SEMA6A: variants seen among roughly 807,000 people sequenced by gnomAD.
SEMA6A encodes the protein semaphorin 6A.
A neutral mutation model predicts 96.8 loss-of-function variants in SEMA6A; 25 were observed. The observed-to-expected ratio is 0.26, with a 90% CI of 0.19 to 0.36. The LOEUF (loss-of-function observed/expected upper bound fraction) is 0.36, where lower values mean the gene tolerates loss of function less well. SEMA6A is among the 10% of genes least tolerant of loss of function. The pLI is 1.00. For missense variants in SEMA6A, 1,363 were observed against 1,323.1 expected, an observed-to-expected ratio of 1.03 and a Z score of -0.47; for synonymous variants, 612 against 518.0, an observed-to-expected ratio of 1.18 and a Z score of -2.46.
At chr5:116,490,489 G>A (rs1757279310) in intron 7 of SEMA6A, among the ~76,000 whole-genome samples, 1 of 152,176 alleles carries the variant, frequency 6.6e-6, no homozygotes, top group South Asian at 2.1e-4. Context: ...AGGACCTCCA[G>A]CAGTAGTCAT....
chr5:116,522,108 G>A (rs575606078), intron 1 of SEMA6A, among the ~76,000 whole-genome samples: 13 of 152,146 alleles, frequency 8.5e-5, no homozygotes, highest in African/African-American at 1.9e-4. Context: ...TTAAAGTGTC[G>A]TGAATATTGC....
At position 116,531,199 on chromosome 5, in the gene SEMA6A, C is replaced by T. The variant is rs1352967433; in HGVS notation, c.-38-26217G>A. 9.3e-5 allele frequency among the ~76,000 whole-genome samples: 11 copies of T among 118,276 alleles called. 1 individual carries two copies. Among genetic ancestry groups the T allele is most frequent in the Admixed American group, 7.4e-4 (8 of 10,852 alleles). The allele number at this position is 118,276 out of a possible 152,430, so 77.6% of individuals were successfully genotyped here. On this transcript the variant is annotated intron_variant, in intron 1 of 18. Transcript: ENST00000343348. ...GAGTTGAGTGTGGGGTTGGGGGAGGCGGTGGGGATTGGGGGGATCCAGAGT... is the reference window on the plus strand; with the variant it reads ...GAGTTGAGTGTGGGGTTGGGGGAGGTGGTGGGGATTGGGGGGATCCAGAGT...
At chr5:116,519,428 C>T (rs972076280) in intron 1 of SEMA6A, among the ~76,000 whole-genome samples, 1 of 152,142 alleles carries the variant, frequency 6.6e-6, no homozygotes, top group East Asian at 1.9e-4. Context: ...AAGGATGTTC[C>T]TTTGACTGTT....
At chr5:116,573,788 G>T (rs1761343054) in intron 1 of SEMA6A, among the ~76,000 whole-genome samples, 1 of 152,044 alleles carries the variant, frequency 6.6e-6, no homozygotes, top group African/African-American at 2.4e-5. Flanking sequence ...GACACACCGG[G>T]CCAGGGAGCT....
chr5:116,488,845 T>C (rs1481239572), intron 8 of SEMA6A, 43 bp downstream of exon 8: 11 of 1,523,892 alleles, frequency 7.2e-6, no homozygotes, highest in Non-Finnish European at 9.7e-6. Context: ...AAGATGTGTA[T>C]TCCCCTCCCC....
rs372034930 is a variant in SEMA6A at position 116,482,535 on chromosome 5, T to C, written c.1003A>G (p.Ile335Val). The change falls in exon 11 of 19, where the codon ATT becomes GTT. Residue 335 changes from isoleucine to valine, a missense_variant. Ile to Val is a conservative substitution (Grantham distance 29). This residue lies in a region of SEMA6A where 480 missense variants were observed against 559.5 expected (regional missense o/e 0.86). Coordinates refer to ENST00000343348, the MANE Select transcript of SEMA6A (RefSeq NM_020796.5). ...AATCTCCCAGTAAAAACACTGGCAA[T>C]GTCAAGCATGTCATAGGCACAGACT... The part of the protein sequence containing the change: ...SAVCAYDMLD[I>V]ASVFTGRFKE... 1.5e-4 allele frequency: 239 copies of C among 1,613,524 alleles called. No individual in the cohort carries two copies. Among genetic ancestry groups the C allele is most frequent in the Non-Finnish European group, 2.0e-4 (231 of 1,179,694 alleles).
At chr5:116,494,485 G>A (rs154604) in intron 6 of SEMA6A, among the ~76,000 whole-genome samples, 122,533 of 152,066 alleles carry the variant, frequency 0.81, 49,409 homozygotes, top group Non-Finnish European at 0.82. Flanking sequence ...TCCCGATGTG[G>A]GAACAACAGG....
intron 12 of SEMA6A, among the ~76,000 whole-genome samples, chr5:116,479,532 T>C (rs752913126): frequency 1.3e-5 from 2 of 152,222 alleles, no homozygotes; most frequent in Non-Finnish European, 2.9e-5. Context: ...GCTACCACAG[T>C]GGGATGGTAC....
At position 116,447,082 on chromosome 5, in the gene SEMA6A, T is replaced by C. The variant is rs1309653100; in HGVS notation, c.2624A>G (p.Asp875Gly). 6.2e-7 allele frequency: 1 copy of C among 1,613,802 alleles called. No individual in the cohort carries two copies. Among genetic ancestry groups the C allele is most frequent in the Admixed American group, 1.7e-5 (1 of 59,990 alleles). ...NHGVNLVENL[D>G]SLPPKVPQRE... ...CTGTGGAACTTTGGGGGGCAGGCTG[T>C]CCAGGTTCTCCACAAGGTTCACCCC... Residue 875 changes from aspartate (D) to glycine (G), a missense_variant, in exon 19 of 19, where the codon GAC becomes GGC. This residue lies in a region of SEMA6A where 883 missense variants were observed against 763.6 expected (regional missense o/e 1.16). Transcript: ENST00000343348.
intron 18 of SEMA6A, among the ~76,000 whole-genome samples, chr5:116,458,562 G>T (rs1208959277): frequency 6.6e-6 from 1 of 152,088 alleles, no homozygotes; most frequent in Non-Finnish European, 1.5e-5. Context: ...AAAAGCAAAA[G>T]TTCAAGTCTC....
intron 1 of SEMA6A, among the ~76,000 whole-genome samples, chr5:116,530,824 GCT>G (rs1759436108): frequency 6.6e-6 from 1 of 152,070 alleles, no homozygotes. Flanking sequence ...TTTCAAAAAA[GCT>G]CTCTCTGCCC....
At chr5:116,548,576 A>G (rs1251346607) in intron 1 of SEMA6A, among the ~76,000 whole-genome samples, 1 of 152,216 alleles carries the variant, frequency 6.6e-6, no homozygotes, top group Non-Finnish European at 1.5e-5. Flanking sequence ...TTTAAACAAC[A>G]CATTTTTCAT....
At chr5:116,560,563 C>T (rs137918104) in intron 1 of SEMA6A, among the ~76,000 whole-genome samples, 621 of 151,930 alleles carry the variant, frequency 4.1e-3, no homozygotes, top group Non-Finnish European at 6.3e-3. Flanking sequence ...TTGCTAAAAA[C>T]GTGTTTCTGT....
intron 13 of SEMA6A, 172 bp from the exon 14 acceptor site, chr5:116,478,326 A>T (rs192403178): frequency 2.6e-6 from 2 of 773,498 alleles, no homozygotes; most frequent in African/African-American, 1.8e-5. Context: ...ATATGTATCT[A>T]TATAAACACA....
At chr5:116,454,821 T>C (rs1172513100) in intron 18 of SEMA6A, among the ~76,000 whole-genome samples, 2 of 151,916 alleles carry the variant, frequency 1.3e-5, no homozygotes, top group South Asian at 2.1e-4. Flanking sequence ...CATGTGTGTG[T>C]GCGCGTGTGT....
Position 116,491,741 on chromosome 5 carries a change from T to A in SEMA6A, c.534A>T (p.Ala178=). 6.2e-7 allele frequency: 1 copy of A among 1,612,924 alleles called. No individual in the cohort carries two copies. The highest frequency in any genetic ancestry group is 8.5e-7 in the Non-Finnish European group (1 of 1,178,972). ...DAKHANVALF[A]DGKLYSATVT... is the part of the protein sequence containing the mutation. Reference sequence around the variant, plus strand: ...ACGAGGAGAAATCAGGTCGCTTACCTGCAAACAGTGCAACGTTGGCATGTT... The same window carrying A: ...ACGAGGAGAAATCAGGTCGCTTACCAGCAAACAGTGCAACGTTGGCATGTT... The change falls in exon 7 of 19, where the codon GCA becomes GCT. Residue 178 remains alanine (A), a splice_region_variant and synonymous_variant. Coordinates refer to ENST00000343348, the MANE Select transcript of SEMA6A (RefSeq NM_020796.5).
chr5:116,477,363 C>G (rs1394266950), intron 15 of SEMA6A, among the ~76,000 whole-genome samples: 1 of 152,190 alleles, frequency 6.6e-6, no homozygotes, highest in East Asian at 1.9e-4. Flanking sequence ...TTCTTCAGCG[C>G]AGGAAAAGGT....
chr5:116,462,873 A>G (rs1755499254), intron 18 of SEMA6A, among the ~76,000 whole-genome samples: 1 of 152,144 alleles, frequency 6.6e-6, no homozygotes. Context: ...AATCTCACCT[A>G]CCATATTATT....
At chr5:116,449,359 A>G (rs1277486382) in intron 18 of SEMA6A, 5 of 702,192 alleles carry the variant, frequency 7.1e-6, no homozygotes, top group East Asian at 2.7e-5. Flanking sequence ...TACTAAATCA[A>G]CTCTTTCTGG....
Sources: allele counts gnomAD v4.1 joint callset (sites outside exome capture counted in the v4.1 genomes callset), GRCh38; gene constraint gnomAD v4.1.1; regional missense constraint gnomAD v4.1.1; transcripts MANE v1.5; gene names NCBI Gene and HGNC (gene_info 2026-07-23, HGNC 2026-07-21).